The following BMPR2 variants were observed in gnomAD, a reference collection of about 807,000 sequenced individuals.
The protein encoded by BMPR2 is bone morphogenetic protein receptor type 2, also known as bone morphogenetic protein receptor type-2.
Under a neutral mutation model 100.8 loss-of-function variants are expected in BMPR2, and 29 were observed. The observed-to-expected ratio is 0.29, with a 90% CI of 0.21 to 0.39. The LOEUF is 0.39. Ranked by LOEUF, BMPR2 falls within the 10% of genes least tolerant of loss-of-function variation. The pLI, the probability that BMPR2 is intolerant of heterozygous loss-of-function variation, is 1.00. For synonymous variants in BMPR2, 382 were observed against 442.3 expected (o/e 0.86, Z 1.71); for missense variants, 1,011 against 1,274.5 (o/e 0.79, Z 3.15).
At chr2:202,443,928 G>A (rs1691797921) in intron 1 of BMPR2, among the ~76,000 whole-genome samples, 1 of 150,220 alleles carries the variant, frequency 6.7e-6, no homozygotes, top group African/African-American at 2.5e-5. Context: ...GTAAGATTTT[G>A]CCAGCATCCT....
rs1480306345 is a variant in BMPR2 at position 202,559,599 on chromosome 2, C to G, written c.2867-97C>G. 3.1e-6 allele frequency: 4 copies of G among 1,309,066 alleles called. No homozygotes were observed. In the African/African-American group the frequency reaches 4.4e-5, roughly 14 times the overall value. The allele number at this position is 1,309,066 out of a possible 1,614,324, so 81.1% of individuals were successfully genotyped here. The stretch of plus-strand genomic sequence containing the variant: ...TTCAAGAAATGTTCATTAGCACCCT[C>G]CTGAGACATTGGTTTGACCTTTTCT... On this transcript the variant is annotated intron_variant, in intron 12 of 12. Transcript: ENST00000374580.
At chr2:202,481,224 A>G (rs1692654860) in intron 3 of BMPR2, among the ~76,000 whole-genome samples, 3 of 151,594 alleles carry the variant, frequency 2.0e-5, no homozygotes, top group African/African-American at 7.3e-5. Flanking sequence ...TGTTGCCCAC[A>G]CTGGAGTCCA....
chr2:202,518,283 G>A (rs1200716703), intron 5 of BMPR2, among the ~76,000 whole-genome samples: 7 of 151,590 alleles, frequency 4.6e-5, no homozygotes, highest in Non-Finnish European at 7.4e-5. Flanking sequence ...GATTACAGGC[G>A]TGTGCCATGA....
In BMPR2 at chr2:202,532,602, T is replaced by C. The variant is rs1085307304; in HGVS notation, c.1146T>C (p.Tyr382=). Residue 382 remains tyrosine, a synonymous_variant, in exon 9 of 13, where the codon TAT becomes TAC. Transcript: ENST00000374580. The surrounding 1 kb of genome is among the most constrained non-coding windows in gnomAD (Gnocchi z 4.1). ...AAISEVGTIR[Y]MAPEVLEGAV... is the part of the protein sequence containing the mutation. ...TTTATCAGGTTGGCACTATCAGATA[T>C]ATGGCACCAGAAGTGCTAGAAGGAG... 3 of 1,614,012 alleles carry C rather than the reference T, an allele frequency of 1.9e-6. No individual in the cohort carries two copies. The highest frequency in any genetic ancestry group is 1.3e-5 in the African/African-American group (1 of 75,054).
intron 3 of BMPR2, among the ~76,000 whole-genome samples, chr2:202,477,975 C>A (rs999891253): frequency 2.0e-5 from 3 of 152,084 alleles, no homozygotes; most frequent in African/African-American, 7.2e-5. Flanking sequence ...TTTGTAACCC[C>A]AAAACCAATA....
chr2:202,407,886 T>G (rs1690935212), intron 1 of BMPR2, among the ~76,000 whole-genome samples: 1 of 151,698 alleles, frequency 6.6e-6, no homozygotes, highest in Non-Finnish European at 1.5e-5. Context: ...CAGGCTGAAG[T>G]GCAGTGGCGT....
At position 202,527,803 on chromosome 2, in the gene BMPR2, T is replaced by A. The variant is rs188810408; in HGVS notation, c.968-2991T>A. On this transcript the variant is annotated intron_variant, in intron 7 of 12. Transcript: ENST00000374580. ...AGCGAGACTCCATCTCAAAAAAAAA[T>A]AATAATAAAAAAATAAATAAATAAA... 6.4e-3 allele frequency among the ~76,000 whole-genome samples: 966 copies of A among 151,500 alleles called. 16 individuals carry two copies. The highest frequency in any genetic ancestry group is 0.032 in the Admixed American group (492 of 15,204).
intron 5 of BMPR2, among the ~76,000 whole-genome samples, chr2:202,517,078 G>A (rs1687724629): frequency 6.6e-6 from 1 of 151,820 alleles, no homozygotes; most frequent in Admixed American, 6.6e-5. Flanking sequence ...AAATTAGCTG[G>A]GTATCATGGC....
intron 3 of BMPR2, among the ~76,000 whole-genome samples, chr2:202,480,716 G>A (rs556177213): frequency 1.3e-5 from 2 of 151,944 alleles, no homozygotes; most frequent in African/African-American, 4.8e-5. Context: ...CACTTTGGGA[G>A]GCCGAGGCGG....
At chr2:202,540,858 A>G (rs1688255988) in intron 9 of BMPR2, among the ~76,000 whole-genome samples, 1 of 152,028 alleles carries the variant, frequency 6.6e-6, no homozygotes, top group South Asian at 2.1e-4. Context: ...TCTTCCTTCT[A>G]ATTTATCTTG....
At chr2:202,391,075 C>A (rs1314359930) in intron 1 of BMPR2, among the ~76,000 whole-genome samples, 1 of 131,546 alleles carries the variant, frequency 7.6e-6, no homozygotes, top group Admixed American at 9.3e-5. Flanking sequence ...CTCCCGGGTT[C>A]AAGTGATTCT....
chr2:202,488,329 A>T (rs2105979548), intron 3 of BMPR2, among the ~76,000 whole-genome samples: 1 of 152,302 alleles, frequency 6.6e-6, no homozygotes, highest in Non-Finnish European at 1.5e-5. Flanking sequence ...AAATACTGAA[A>T]ATTGTGTGAG....
rs1688661988 is a variant in BMPR2, at chr2:202,560,527, A to G, written c.*581A>G. 6.4e-6 allele frequency: 1 copy of G among 156,150 alleles called. No individual in the cohort carries two copies. The highest frequency in any genetic ancestry group is 1.4e-5 in the Non-Finnish European group (1 of 70,188). 9.7% of individuals were successfully genotyped at this position (156,150 alleles called of 1,614,324 possible). A position where few individuals can be genotyped will look rare whatever the true frequency, so the allele number is the denominator to read the frequency against. On this transcript the variant is annotated 3_prime_UTR_variant, in exon 13 of 13. Coordinates refer to ENST00000374580, the MANE Select transcript of BMPR2 (RefSeq NM_001204.7). The stretch of plus-strand genomic sequence containing the variant: ...CTAACAGGGCACATATTCTTCCATA[A>G]TATAAACACTTTTCTGCCCCATCTC...
chr2:202,388,384 G>C (rs553215079), intron 1 of BMPR2, among the ~76,000 whole-genome samples: 1 of 108,056 alleles, frequency 9.3e-6, no homozygotes, highest in Non-Finnish European at 1.7e-5. Context: ...GTGACAGAGC[G>C]AGACTCCATC....
chr2:202,396,427 A>G (rs967822913), intron 1 of BMPR2, among the ~76,000 whole-genome samples: 1 of 152,246 alleles, frequency 6.6e-6, no homozygotes, highest in Non-Finnish European at 1.5e-5. Context: ...CAGTAAAAGC[A>G]GTGCAGAAGA....
intron 1 of BMPR2, among the ~76,000 whole-genome samples, chr2:202,459,123 G>C (rs899684322): frequency 7.2e-5 from 11 of 151,962 alleles, no homozygotes; most frequent in African/African-American, 2.7e-4. Flanking sequence ...TCGTTTTTTG[G>C]ATACTTGTTT....
At chr2:202,489,684 T>C (rs1396279669) in intron 3 of BMPR2, among the ~76,000 whole-genome samples, 1 of 152,230 alleles carries the variant, frequency 6.6e-6, no homozygotes, top group South Asian at 2.1e-4. Context: ...TAAAAATTCA[T>C]TTTATAGTTA....
intron 3 of BMPR2, among the ~76,000 whole-genome samples, chr2:202,505,497 A>G (rs944389367): frequency 6.6e-6 from 1 of 152,084 alleles, no homozygotes; most frequent in Non-Finnish European, 1.5e-5. Context: ...CTGGGATTAC[A>G]GGTGTGAGCA....
At chr2:202,526,936 T>C (rs1233259352) in intron 7 of BMPR2, among the ~76,000 whole-genome samples, 2 of 152,170 alleles carry the variant, frequency 1.3e-5, no homozygotes, top group Non-Finnish European at 2.9e-5. Context: ...TAATGTTGGC[T>C]CACTGCAACC....
Sources: gnomAD v4.1 joint callset for allele counts (sites outside exome capture counted in the v4.1 genomes callset) on GRCh38, gnomAD v4.1.1 for gene constraint, Gnocchi (gnomAD v3.1) non-coding constraint, MANE v1.5 for transcripts, NCBI Gene and HGNC (gene_info 2026-07-23, HGNC 2026-07-21) for gene names.